DLGAP1: variants seen among roughly 807,000 people sequenced by gnomAD.
DLGAP1 encodes DLG associated protein 1, also known as disks large-associated protein 1.
In DLGAP1, 11 loss-of-function variants were observed where a neutral mutation model predicts 90.8. That is an observed-to-expected ratio of 0.12 (90% CI 0.08 to 0.20). The LOEUF (loss-of-function observed/expected upper bound fraction) is 0.20, where lower values mean the gene tolerates loss of function less well. Ranked by LOEUF, DLGAP1 falls within the 10% of genes least tolerant of loss-of-function variation. The probability of loss-of-function intolerance (pLI) is 1.00; values close to 1 mark genes in which losing one functional copy is unlikely to be tolerated. For missense variants in DLGAP1, 1,050 were observed against 1,333.8 expected, an observed-to-expected ratio of 0.79 and a Z score of 3.31; for synonymous variants, 558 against 540.7, an observed-to-expected ratio of 1.03 and a Z score of -0.44.
At chr18:4,088,009 G>GT (rs11394205) in intron 2 of DLGAP1, among the ~76,000 whole-genome samples, 88,678 of 150,524 alleles carry the variant, frequency 0.59, 26,750 homozygotes, top group Non-Finnish European at 0.64. Flanking sequence ...CTCTTTTTCT[G>GT]TTTTTTTAAT....
chr18:3,883,179 G>A (rs1321109848), intron 3 of DLGAP1, among the ~76,000 whole-genome samples: 1 of 152,218 alleles, frequency 6.6e-6, no homozygotes, highest in East Asian at 1.9e-4. Flanking sequence ...AGGAGGCGGA[G>A]GTTGCGGCAA....
chr18:4,133,864 T>C (rs989771860), intron 2 of DLGAP1, among the ~76,000 whole-genome samples: 1 of 151,776 alleles, frequency 6.6e-6, no homozygotes, highest in African/African-American at 2.4e-5. Flanking sequence ...GTCGAGAGGA[T>C]GTTAGGAAGG....
intron 1 of DLGAP1, among the ~76,000 whole-genome samples, chr18:4,392,890 C>G (rs182998333): frequency 6.6e-6 from 1 of 152,142 alleles, no homozygotes; most frequent in East Asian, 1.9e-4. Flanking sequence ...ATGGCACTCC[C>G]GGCCAACCAT....
rs189286447 is a variant in DLGAP1 at position 4,110,749 on chromosome 18, G to C, written c.-159+40431C>G. On this transcript the variant is annotated intron_variant, in intron 2 of 12. Transcript: ENST00000315677. ...AATTTTACTCCTTATTTTTTATTGA[G>C]TAGGGCTATCTGGGAGAATATTTGG... Among the ~76,000 whole-genome samples, 3 of 152,252 alleles carry C rather than the reference G, an allele frequency of 2.0e-5. No individual in the cohort carries two copies. In the East Asian group the frequency reaches 5.8e-4, roughly 29 times the overall value.
At chr18:4,311,534 C>T (rs8090376) in intron 1 of DLGAP1, among the ~76,000 whole-genome samples, 66,897 of 151,968 alleles carry the variant, frequency 0.44, 15,872 homozygotes, top group African/African-American at 0.62. Context: ...AGGGGCTACA[C>T]TGGAGTCAAG....
At chr18:4,117,932 A>G (rs901968456) in intron 2 of DLGAP1, among the ~76,000 whole-genome samples, 2 of 151,728 alleles carry the variant, frequency 1.3e-5, no homozygotes, top group African/African-American at 2.4e-5. Context: ...GTGTTTTCAA[A>G]TCTGCCCACA....
intron 6 of DLGAP1, among the ~76,000 whole-genome samples, chr18:3,738,507 A>T (rs1431308436): frequency 6.7e-6 from 1 of 149,918 alleles, no homozygotes; most frequent in Non-Finnish European, 1.5e-5. Flanking sequence ...CAAACCTGAG[A>T]AAAACAAGCA....
intron 4 of DLGAP1, among the ~76,000 whole-genome samples, chr18:3,819,780 T>G (rs1428429891): frequency 1.3e-5 from 2 of 152,218 alleles, no homozygotes; most frequent in African/African-American, 4.8e-5. Context: ...AGCATATTCA[T>G]ATATGTCTTT....
At chr18:3,830,697 G>A (rs896462002) in intron 4 of DLGAP1, among the ~76,000 whole-genome samples, 2 of 152,160 alleles carry the variant, frequency 1.3e-5, no homozygotes, top group Admixed American at 6.5e-5. Flanking sequence ...AAAAAATCAA[G>A]ATTTACTGTA....
At chr18:4,222,581 A>T (rs61398206) in intron 1 of DLGAP1, among the ~76,000 whole-genome samples, 1 of 152,148 alleles carries the variant, frequency 6.6e-6, no homozygotes, top group Non-Finnish European at 1.5e-5. Context: ...ATAAAAACTA[A>T]AAGAAAATAC....
intron 2 of DLGAP1, among the ~76,000 whole-genome samples, chr18:4,139,221 T>A (rs2076455578): frequency 6.6e-6 from 1 of 152,008 alleles, no homozygotes; most frequent in South Asian, 2.1e-4. Flanking sequence ...CATTAGGTTA[T>A]TTGTAGTTTT....
At chr18:3,708,612 C>T in intron 7 of DLGAP1, 3 of 446,500 alleles carry the variant, frequency 6.7e-6, no homozygotes, top group South Asian at 4.7e-5. Context: ...CGATGGGCAT[C>T]TGGACTTAAG....
chr18:3,708,057 G>A (rs2061491514), intron 7 of DLGAP1, among the ~76,000 whole-genome samples: 1 of 151,206 alleles, frequency 6.6e-6, no homozygotes, highest in African/African-American at 2.4e-5. Context: ...CCAGGCTGGA[G>A]TGCAGTGGCG....
chr18:3,722,378 C>T (rs892750969), intron 7 of DLGAP1: 4 of 152,176 alleles, frequency 2.6e-5, no homozygotes, highest in Admixed American at 6.5e-5. Context: ...AATCCTACCT[C>T]GAGTGCCCCA....
intron 1 of DLGAP1, among the ~76,000 whole-genome samples, chr18:4,376,872 T>C (rs11872806): frequency 0.023 from 3,498 of 152,230 alleles, 63 homozygotes; most frequent in African/African-American, 0.05. Flanking sequence ...CACTAAACTA[T>C]CAACCTAAAA....
At chr18:3,555,991 T>TAATA (rs2053729934) in intron 9 of DLGAP1, among the ~76,000 whole-genome samples, 1 of 152,108 alleles carries the variant, frequency 6.6e-6, no homozygotes, top group African/African-American at 2.4e-5. Flanking sequence ...TTTGAGTGCT[T>TAATA]AATAGACTAG....
chr18:3,534,625 A>G lies in DLGAP1; in HGVS notation c.2058-10T>C. On this transcript the variant is annotated splice_polypyrimidine_tract_variant and intron_variant, in intron 9 of 12. Transcript: ENST00000315677. Reference sequence around the variant, plus strand: ...AGTGAACCTGCGGAAGCTTGGGAGAATAGAAAAAAGAAATTTAGTTAGAGG... The same window carrying G: ...AGTGAACCTGCGGAAGCTTGGGAGAGTAGAAAAAAGAAATTTAGTTAGAGG... 1 of 1,527,914 alleles carries G rather than the reference A, an allele frequency of 6.5e-7. No individual in the cohort carries two copies. Among genetic ancestry groups the G allele is most frequent in the South Asian group, 1.3e-5 (1 of 77,328 alleles). The allele number at this position is 1,527,914 out of a possible 1,614,324, so 94.6% of individuals were successfully genotyped here.
At chr18:3,810,406 A>G (rs113237050) in intron 5 of DLGAP1, among the ~76,000 whole-genome samples, 2,131 of 152,264 alleles carry the variant, frequency 0.014, 35 homozygotes, top group Non-Finnish European at 0.02. Flanking sequence ...TCTCTTCAAC[A>G]TTTCTGAGAG....
At chr18:3,917,339 C>T (rs1467924204) in intron 3 of DLGAP1, among the ~76,000 whole-genome samples, 7 of 152,144 alleles carry the variant, frequency 4.6e-5, no homozygotes, top group Non-Finnish European at 7.4e-5. Flanking sequence ...ACCCTGCAGA[C>T]GGCAGTCAGC....
Sources: gnomAD v4.1 joint callset for allele counts (sites outside exome capture counted in the v4.1 genomes callset) on GRCh38, gnomAD v4.1.1 for gene constraint, MANE v1.5 for transcripts, NCBI Gene and HGNC (gene_info 2026-07-23, HGNC 2026-07-21) for gene names.